Variants in DLGAP2 observed in about 807,000 individuals in gnomAD.
DLGAP2 encodes disks large-associated protein 2.
In DLGAP2, 26 loss-of-function variants were observed where a neutral mutation model predicts 100.3. That is an observed-to-expected ratio of 0.26 (90% CI 0.19 to 0.36). The LOEUF is 0.36. Ranked by LOEUF, DLGAP2 falls within the 10% of genes least tolerant of loss-of-function variation. The pLI is 1.00. For synonymous variants in DLGAP2, 886 were observed against 630.1 expected (o/e 1.41, Z -6.08); for missense variants, 1,858 against 1,453.2 (o/e 1.28, Z -4.53).
chr8:1,043,190 G>A (rs1802413956), intron 2 of DLGAP2, among the ~76,000 whole-genome samples: 2 of 132,444 alleles, frequency 1.5e-5, no homozygotes, highest in Non-Finnish European at 1.6e-5. Context: ...GGTGGTGGGT[G>A]TTGGTGGTGG....
rs556357753 is a variant in DLGAP2, at chr8:738,382, G to A, written c.18+557G>A. Among the ~76,000 whole-genome samples, 17 of 152,024 alleles carry A rather than the reference G, an allele frequency of 1.1e-4. No homozygotes were observed. The South Asian group carries it at 3.5e-3, about 32-fold the overall frequency. ...CAGGATGGGGCCCTTGTGCCGGGCAGCAGCGGCTGCCGAGACCAGGCGGAG... is the reference window on the plus strand; with the variant it reads ...CAGGATGGGGCCCTTGTGCCGGGCAACAGCGGCTGCCGAGACCAGGCGGAG... On this transcript the variant is annotated intron_variant, in intron 1 of 14. Transcript: ENST00000637795.
intron 1 of DLGAP2, among the ~76,000 whole-genome samples, chr8:904,760 G>A (rs576275700): frequency 2.6e-5 from 4 of 152,312 alleles, no homozygotes; most frequent in South Asian, 2.1e-4. Flanking sequence ...CAGCACCCGT[G>A]GCAGGCAGAA....
At chr8:1,327,707 C>A (rs539751506) in intron 3 of DLGAP2, among the ~76,000 whole-genome samples, 3 of 151,892 alleles carry the variant, frequency 2.0e-5, no homozygotes, top group Non-Finnish European at 2.9e-5. Context: ...ATCCGGGCGT[C>A]GTGGCGGGCG....
At chr8:1,428,721 C>G (rs1797311025) in intron 3 of DLGAP2, among the ~76,000 whole-genome samples, 1 of 152,216 alleles carries the variant, frequency 6.6e-6, no homozygotes, top group African/African-American at 2.4e-5. Context: ...AAGGATGGCT[C>G]AGTGCCAGCA....
At chr8:1,701,044 G>A in intron 14 of DLGAP2, 144 bp from the exon 15 acceptor site, 2 of 731,858 alleles carry the variant, frequency 2.7e-6, no homozygotes, top group South Asian at 1.9e-5. Flanking sequence ...CGGGGACCAG[G>A]GCAGACGGGG....
chr8:1,641,894 G>T (rs1246081008), intron 8 of DLGAP2, among the ~76,000 whole-genome samples: 2 of 129,648 alleles, frequency 1.5e-5, no homozygotes, highest in Non-Finnish European at 3.3e-5. Flanking sequence ...GTCCTCACCT[G>T]TGTCACCCTC....
intron 2 of DLGAP2, among the ~76,000 whole-genome samples, chr8:1,191,662 A>G (rs949881146): frequency 2.6e-5 from 4 of 152,198 alleles, no homozygotes; most frequent in Non-Finnish European, 5.9e-5. Flanking sequence ...CAAAGCTTCA[A>G]AACATTAGAA....
At chr8:1,700,423 G>A (rs1799534550) in intron 14 of DLGAP2, among the ~76,000 whole-genome samples, 1 of 78,298 alleles carries the variant, frequency 1.3e-5, no homozygotes, top group Non-Finnish European at 2.4e-5. Context: ...TGTGAATCAC[G>A]GGGCAGGTCC....
intron 1 of DLGAP2, among the ~76,000 whole-genome samples, chr8:861,355 G>T (rs1163973391): frequency 6.6e-6 from 1 of 152,142 alleles, no homozygotes; most frequent in Non-Finnish European, 1.5e-5. Flanking sequence ...TCTGCACGGG[G>T]TCCTGGAACC....
intron 2 of DLGAP2, among the ~76,000 whole-genome samples, chr8:1,059,235 A>T (rs966398663): frequency 6.6e-6 from 1 of 152,026 alleles, no homozygotes. Flanking sequence ...GCTGGGCCTC[A>T]TCCCCTGCCC....
chr8:975,196 G>A (rs1800132217), intron 2 of DLGAP2, among the ~76,000 whole-genome samples: 1 of 152,048 alleles, frequency 6.6e-6, no homozygotes, highest in African/African-American at 2.4e-5. Flanking sequence ...ACACAAGAAG[G>A]AATAGACAAT....
At chr8:988,935 A>G (rs938415205) in intron 2 of DLGAP2, among the ~76,000 whole-genome samples, 4 of 152,060 alleles carry the variant, frequency 2.6e-5, no homozygotes, top group Admixed American at 6.5e-5. Context: ...GCCTCTCCAC[A>G]TGCTGTGGAT....
At chr8:1,571,356 G>T (rs1387898137) in intron 6 of DLGAP2, among the ~76,000 whole-genome samples, 35 of 115,622 alleles carry the variant, frequency 3.0e-4, no homozygotes, top group Admixed American at 5.4e-4. Context: ...GGGGGCATCT[G>T]ATGAGATGGA....
intron 1 of DLGAP2, among the ~76,000 whole-genome samples, chr8:830,092 C>G (rs1234143575): frequency 6.6e-6 from 1 of 152,134 alleles, no homozygotes; most frequent in African/African-American, 2.4e-5. Context: ...TAGTTCTAGG[C>G]AAATGTACCT....
At chr8:1,266,107 T>G (rs550387795) in intron 3 of DLGAP2, among the ~76,000 whole-genome samples, 1 of 152,240 alleles carries the variant, frequency 6.6e-6, no homozygotes, top group East Asian at 1.9e-4. Flanking sequence ...AGGGAGTGGG[T>G]GTAACCCAGG....
intron 8 of DLGAP2, among the ~76,000 whole-genome samples, chr8:1,641,125 C>A (rs1213125929): frequency 2.0e-5 from 3 of 152,148 alleles, no homozygotes; most frequent in Admixed American, 2.0e-4. Flanking sequence ...AGGAGTGGAA[C>A]CAGCTCCCAG....
intron 2 of DLGAP2, among the ~76,000 whole-genome samples, chr8:1,007,657 T>C (rs1801160486): frequency 6.7e-6 from 1 of 148,304 alleles, no homozygotes; most frequent in South Asian, 2.1e-4. Context: ...CTTCTGTGAG[T>C]CAACTGGCTC....
intron 2 of DLGAP2, among the ~76,000 whole-genome samples, chr8:1,210,697 G>T (rs1240917857): frequency 6.6e-6 from 1 of 152,176 alleles, no homozygotes; most frequent in Non-Finnish European, 1.5e-5. Flanking sequence ...TGAGGCCAAA[G>T]AAGGGAAACT....
At chr8:927,299 A>C in intron 2 of DLGAP2, 1 of 917,138 alleles carries the variant, frequency 1.1e-6, no homozygotes, top group Non-Finnish European at 1.3e-6. Flanking sequence ...TTCTGTGGCG[A>C]CTGTTTTCTT....
Sources: gnomAD v4.1 joint callset for allele counts (sites outside exome capture counted in the v4.1 genomes callset) on GRCh38, gnomAD v4.1.1 for gene constraint, MANE v1.5 for transcripts, NCBI Gene and HGNC (gene_info 2026-07-23, HGNC 2026-07-21) for gene names.